PKIG: variants seen among roughly 807,000 people sequenced by gnomAD.
PKIG encodes the protein protein kinase (cAMP-dependent, catalytic) inhibitor gamma.
Under a neutral mutation model 6.8 loss-of-function variants are expected in PKIG, and 1 was observed. The observed-to-expected ratio is 0.15, with a 90% CI of 0.05 to 0.69. PKIG has a LOEUF of 0.69. Among genes scored for constraint, PKIG ranks in the 30% least tolerant of loss-of-function variants. The pLI is 0.82. For synonymous variants in PKIG, 39 were observed against 43.0 expected (o/e 0.91, Z 0.36); for missense variants, 77 against 104.0 (o/e 0.74, Z 1.13).
chr20:44,561,580 G>A (rs374358974), intron 1 of PKIG, among the ~76,000 whole-genome samples: 9 of 152,242 alleles, frequency 5.9e-5, no homozygotes, highest in South Asian at 2.1e-4. Context: ...GAATTAAAAC[G>A]ATCCAGTGAC....
intron 1 of PKIG, among the ~76,000 whole-genome samples, chr20:44,564,780 T>C (rs1483540785): frequency 6.6e-6 from 1 of 152,236 alleles, no homozygotes; most frequent in Non-Finnish European, 1.5e-5. Flanking sequence ...GGCAGTGGTC[T>C]TTCTGTAACT....
At chr20:44,616,776 C>T (rs1253621004) in intron 3 of PKIG, among the ~76,000 whole-genome samples, 1 of 152,172 alleles carries the variant, frequency 6.6e-6, no homozygotes, top group African/African-American at 2.4e-5. Context: ...GGCGGGGCTG[C>T]GGGCCACGCC....
rs1033093732 is a variant in PKIG, at chr20:44,606,355, G to T, written c.-23-8179G>T. ...ACAAAACAGCATTAAGAAGACTGTG[G>T]TGAAGGAAAGTGCTCATCTGATATA... On this transcript the variant is annotated intron_variant, in intron 2 of 3. Coordinates refer to ENST00000372886, the MANE Select transcript of PKIG (RefSeq NM_001281445.2). Among the ~76,000 whole-genome samples the T allele has an allele frequency of 4.6e-5, 7 of 152,344 alleles. No individual in the cohort carries two copies. In the East Asian group the frequency reaches 1.3e-3, roughly 29 times the overall value.
At chr20:44,576,787 C>T (rs142656139) in intron 1 of PKIG, among the ~76,000 whole-genome samples, 66 of 152,260 alleles carry the variant, frequency 4.3e-4, no homozygotes, top group African/African-American at 1.5e-3. Flanking sequence ...GGAAACTTAT[C>T]TCAAGCTGGT....
chr20:44,591,698 T>C (rs2065035039), intron 2 of PKIG, among the ~76,000 whole-genome samples: 1 of 152,208 alleles, frequency 6.6e-6, no homozygotes, highest in South Asian at 2.1e-4. Context: ...TTCAGCTTCC[T>C]TATCTATTAA....
chr20:44,577,589 CAA>C (rs1163179701), upstream of PKIG, among the ~76,000 whole-genome samples: 8 of 152,054 alleles, frequency 5.3e-5, no homozygotes, highest in African/African-American at 1.9e-4. Context: ...TGGAAGAAAA[CAA>C]AATCTACTTT....
At chr20:44,602,957 G>A (rs754466344) in intron 2 of PKIG, among the ~76,000 whole-genome samples, 4 of 152,186 alleles carry the variant, frequency 2.6e-5, no homozygotes, top group East Asian at 1.9e-4. Context: ...CCTATTGCGC[G>A]GGTATTGAAC....
intron 1 of PKIG, among the ~76,000 whole-genome samples, chr20:44,570,242 A>G (rs1400360096): frequency 6.6e-6 from 1 of 152,224 alleles, no homozygotes. Context: ...TTGTTTACCA[A>G]AACGTAAACT....
At position 44,575,300 on chromosome 20, in the gene PKIG, C is replaced by T. The variant is rs540589217; in HGVS notation, c.-240-7285C>T. ...ATGGCATGATCTCGGCTCACTGCAACTTCTGCATCCTGGGTTCAAACGATG... is the reference window on the plus strand; with the variant it reads ...ATGGCATGATCTCGGCTCACTGCAATTTCTGCATCCTGGGTTCAAACGATG... On this transcript the variant is annotated intron_variant, in intron 1 of 4. Transcript: ENST00000372887. Among the ~76,000 whole-genome samples, 7 of 152,352 alleles carry T rather than the reference C, an allele frequency of 4.6e-5. No individual in the cohort carries two copies. The East Asian group carries it at 1.3e-3, about 29-fold the overall frequency.
intron 1 of PKIG, among the ~76,000 whole-genome samples, chr20:44,543,224 C>T (rs1242511041): frequency 6.6e-6 from 1 of 152,138 alleles, no homozygotes; most frequent in African/African-American, 2.4e-5. Context: ...AAGGGCTCAG[C>T]ACAGTCTTGG....
chr20:44,545,976 A>G (rs2064610144), intron 1 of PKIG, among the ~76,000 whole-genome samples: 4 of 152,100 alleles, frequency 2.6e-5, no homozygotes, highest in Admixed American at 1.3e-4. Flanking sequence ...CACTGGGCAC[A>G]GTGGCTCATG....
intron 1 of PKIG, among the ~76,000 whole-genome samples, chr20:44,542,237 C>CT (rs2064568534): frequency 6.6e-6 from 1 of 152,112 alleles, no homozygotes; most frequent in South Asian, 2.1e-4. Flanking sequence ...GGCAAGGTCT[C>CT]TGAGTCTAGG....
chr20:44,559,056 T>A (rs1295205514), intron 1 of PKIG, among the ~76,000 whole-genome samples: 1 of 152,198 alleles, frequency 6.6e-6, no homozygotes, highest in Non-Finnish European at 1.5e-5. Flanking sequence ...GATTTCAGTT[T>A]ATCTCAGCTT....
intron 1 of PKIG, among the ~76,000 whole-genome samples, chr20:44,588,047 A>G (rs1485233975): frequency 6.6e-6 from 1 of 152,216 alleles, no homozygotes; most frequent in Non-Finnish European, 1.5e-5. Flanking sequence ...ACATGAACAC[A>G]TTGTGAAAAT....
At chr20:44,543,005 G>A (rs372498823) in intron 1 of PKIG, among the ~76,000 whole-genome samples, 11 of 152,322 alleles carry the variant, frequency 7.2e-5, no homozygotes, top group East Asian at 1.9e-4. Context: ...AGAAATGGTC[G>A]CTGTGCTTTT....
chr20:44,550,963 A>G (rs571017811), intron 1 of PKIG, among the ~76,000 whole-genome samples: 5 of 152,352 alleles, frequency 3.3e-5, no homozygotes, highest in Non-Finnish European at 5.9e-5. Context: ...TTTGCTGCAT[A>G]TAGTTTATCT....
intron 1 of PKIG, among the ~76,000 whole-genome samples, chr20:44,535,178 C>A (rs1377641468): frequency 6.6e-6 from 1 of 152,074 alleles, no homozygotes; most frequent in Non-Finnish European, 1.5e-5. Flanking sequence ...AGCTTAGCCA[C>A]ACAGAGTAAG....
Position 44,614,498 on chromosome 20 carries a change from G to C in PKIG, c.-23-36G>C, listed in dbSNP as rs199749660. 2.4e-3 allele frequency: 3,655 copies of C among 1,543,690 alleles called. 30 individuals are homozygous for C. The highest frequency in any genetic ancestry group is 0.017 in the South Asian group (1,455 of 87,046). On this transcript the variant is annotated intron_variant, in intron 2 of 3. Coordinates refer to ENST00000372886, the MANE Select transcript of PKIG (RefSeq NM_001281445.2). This position sits in a 1 kb window ranked among gnomAD's most constrained non-coding sequence, Gnocchi z 4.6. ...CTGTCCTCTCTGCAGAATGCATCTG[G>C]ACTTACCTCTGCCCCCTTGCCTTCT...
At chr20:44,617,137 G>A (rs955903976) in intron 3 of PKIG, among the ~76,000 whole-genome samples, 2 of 152,156 alleles carry the variant, frequency 1.3e-5, no homozygotes, top group African/African-American at 2.4e-5. Flanking sequence ...TGCATTGCAC[G>A]AGAAAGTGCC....
Sources: allele counts gnomAD v4.1 joint callset (sites outside exome capture counted in the v4.1 genomes callset), GRCh38; gene constraint gnomAD v4.1.1; non-coding constraint Gnocchi (gnomAD v3.1); transcripts MANE v1.5; gene names NCBI Gene and HGNC (gene_info 2026-07-23, HGNC 2026-07-21).